The following UBE2D2 variants were observed in gnomAD, a reference collection of about 807,000 sequenced individuals.
The protein encoded by UBE2D2 is ubiquitin-conjugating enzyme E2 D2.
In UBE2D2, 2 loss-of-function variants were observed where a neutral mutation model predicts 24.2. The ratio of observed to expected loss-of-function variants is 0.08; its 90% CI spans 0.03 to 0.26. The LOEUF (loss-of-function observed/expected upper bound fraction) is 0.26. UBE2D2 is among the 10% of genes least tolerant of loss of function. The pLI is 1.00. For missense variants in UBE2D2, 44 were observed against 177.6 expected, an observed-to-expected ratio of 0.25 and a Z score of 4.28; for synonymous variants, 58 against 56.5, an observed-to-expected ratio of 1.03 and a Z score of -0.12.
intron 5 of UBE2D2, among the ~76,000 whole-genome samples, chr5:139,620,663 T>G (rs769043933): frequency 6.6e-6 from 1 of 152,148 alleles, no homozygotes; most frequent in Non-Finnish European, 1.5e-5. Flanking sequence ...CCAAACTGAA[T>G]AGGGCATGCC....
chr5:139,596,519 C>A (rs997681584), intron 1 of UBE2D2, among the ~76,000 whole-genome samples: 2 of 151,800 alleles, frequency 1.3e-5, no homozygotes, highest in Non-Finnish European at 2.9e-5. Context: ...GTCTCGAAGT[C>A]CTGACCTTGT....
intron 1 of UBE2D2, among the ~76,000 whole-genome samples, chr5:139,556,129 G>A (rs1752978815): frequency 6.6e-6 from 1 of 151,932 alleles, no homozygotes; most frequent in African/African-American, 2.4e-5. Flanking sequence ...CCAGCTACTC[G>A]GGAGGCTGAG....
chr5:139,580,045 CAAAAA>C (rs199662706), intron 1 of UBE2D2, among the ~76,000 whole-genome samples: 1,227 of 116,992 alleles, frequency 0.01, 10 homozygotes, highest in Admixed American at 0.01. Context: ...GACTCCCTCT[CAAAAA>C]AAAAAAAAAA....
At chr5:139,548,110 G>A (rs1230718892) in intron 1 of UBE2D2, among the ~76,000 whole-genome samples, 2 of 138,984 alleles carry the variant, frequency 1.4e-5, no homozygotes, top group East Asian at 4.9e-4. Flanking sequence ...GTTGCAGTGA[G>A]CTACAATTGC....
chr5:139,560,284 G>A (rs553652371), upstream of UBE2D2, among the ~76,000 whole-genome samples: 3 of 149,166 alleles, frequency 2.0e-5, no homozygotes, highest in East Asian at 4.0e-4. Context: ...GGCAACCTCC[G>A]CCTCCCGGAT....
chr5:139,544,664 T>C (rs887587351), intron 1 of UBE2D2, among the ~76,000 whole-genome samples: 1 of 152,076 alleles, frequency 6.6e-6, no homozygotes, highest in Non-Finnish European at 1.5e-5. Flanking sequence ...AAGAAAACCT[T>C]TTATTGAGGT....
chr5:139,538,293 A>C (rs957461565), intron 1 of UBE2D2, among the ~76,000 whole-genome samples: 2 of 152,128 alleles, frequency 1.3e-5, no homozygotes, highest in African/African-American at 2.4e-5. Flanking sequence ...ATGGCATGAC[A>C]TAGTCTTGAC....
chr5:139,609,623 G>A (rs1294128072), intron 2 of UBE2D2, among the ~76,000 whole-genome samples: 15 of 150,394 alleles, frequency 1.0e-4, no homozygotes, highest in African/African-American at 2.2e-4. Flanking sequence ...CGCTCGCCTC[G>A]GCCTCCCAAA....
chr5:139,572,140 TC>T (rs1378772180), intron 1 of UBE2D2, among the ~76,000 whole-genome samples: 1 of 152,228 alleles, frequency 6.6e-6, no homozygotes, highest in Non-Finnish European at 1.5e-5. Context: ...TATTTAACTT[TC>T]GTAATAGTTG....
At chr5:139,538,022 T>TTTTG (rs567945576) in intron 1 of UBE2D2, among the ~76,000 whole-genome samples, 44 of 152,146 alleles carry the variant, frequency 2.9e-4, no homozygotes, top group East Asian at 3.9e-4. Flanking sequence ...GATACAGTTT[T>TTTTG]TTTGTTTGTT....
intron 1 of UBE2D2, among the ~76,000 whole-genome samples, chr5:139,541,724 A>T (rs1752764773): frequency 6.6e-6 from 1 of 151,782 alleles, no homozygotes; most frequent in Non-Finnish European, 1.5e-5. Context: ...CCTGAGCAAC[A>T]TAACTAGAAC....
chr5:139,605,591 C>CAAAAAA (rs70988710), intron 2 of UBE2D2, among the ~76,000 whole-genome samples: 40 of 44,652 alleles, frequency 9.0e-4, no homozygotes, highest in African/African-American at 1.4e-3. Context: ...GACTCTGTCT[C>CAAAAAA]AAAAAAAAAA....
intron 1 of UBE2D2, among the ~76,000 whole-genome samples, chr5:139,550,896 T>C (rs970046974): frequency 3.3e-5 from 5 of 152,178 alleles, no homozygotes; most frequent in African/African-American, 1.2e-4. Flanking sequence ...GCACTCATCA[T>C]GAGAGTCTGG....
chr5:139,527,485 T>G (rs1230881162), intron 1 of UBE2D2, among the ~76,000 whole-genome samples: 1 of 152,202 alleles, frequency 6.6e-6, no homozygotes, highest in Non-Finnish European at 1.5e-5. Flanking sequence ...TGCTAAAAGT[T>G]AACAGTGTAA....
intron 1 of UBE2D2, among the ~76,000 whole-genome samples, chr5:139,550,219 A>C (rs1752891024): frequency 6.6e-6 from 1 of 151,466 alleles, no homozygotes; most frequent in Non-Finnish European, 1.5e-5. Context: ...TAAACGCATC[A>C]ATCAGCACCC....
rs540984161 is a variant in UBE2D2 at position 139,561,629 on chromosome 5, G to T, written c.-163G>T. 313 of 501,504 alleles carry T rather than the reference G, an allele frequency of 6.2e-4. No homozygotes were observed. Among genetic ancestry groups the T allele is most frequent in the African/African-American group, 5.4e-3 (266 of 49,494 alleles). 31.1% of individuals were successfully genotyped at this position (501,504 alleles called of 1,614,324 possible). On this transcript the variant is annotated 5_prime_UTR_variant, in exon 1 of 7. Transcript: ENST00000398733. Reference sequence around the variant, plus strand: ...GCTGCGGCAGGCCCAGGAGCTGAGTGGGCCCCGGCCCTCAGCCCGTCCCGC... The same window carrying T: ...GCTGCGGCAGGCCCAGGAGCTGAGTTGGCCCCGGCCCTCAGCCCGTCCCGC...
At chr5:139,550,558 T>G (rs1189736257) in intron 1 of UBE2D2, among the ~76,000 whole-genome samples, 1 of 152,134 alleles carries the variant, frequency 6.6e-6, no homozygotes, top group African/African-American at 2.4e-5. Context: ...CAGGTTCTCT[T>G]CCACGCTCAC....
intron 1 of UBE2D2, among the ~76,000 whole-genome samples, chr5:139,529,645 A>G (rs1752578316): frequency 6.6e-6 from 1 of 152,158 alleles, no homozygotes; most frequent in Admixed American, 6.6e-5. Context: ...AGTAAAATAA[A>G]AAAAAATGTA....
chr5:139,528,622 G>T (rs1752566207), intron 1 of UBE2D2, among the ~76,000 whole-genome samples: 1 of 152,162 alleles, frequency 6.6e-6, no homozygotes. Flanking sequence ...GTCCCCCCAT[G>T]CTATGGTGAT....
Sources: allele counts gnomAD v4.1 joint callset (sites outside exome capture counted in the v4.1 genomes callset), GRCh38; gene constraint gnomAD v4.1.1; transcripts MANE v1.5; gene names NCBI Gene and HGNC (gene_info 2026-07-23, HGNC 2026-07-21).